Variants in TRIM62 observed in about 807,000 individuals in gnomAD.
The protein encoded by TRIM62 is tripartite motif containing 62.
In TRIM62, 39 loss-of-function variants were observed where a neutral mutation model predicts 44.2. The observed-to-expected ratio is 0.88, with a 90% confidence interval of 0.68 to 1.15. TRIM62 has a LOEUF of 1.15. TRIM62 is among the 50% of genes most tolerant of loss of function. The pLI is 0.00. For missense variants in TRIM62, 544 were observed against 665.5 expected (o/e 0.82, Z 2.01); for synonymous variants, 278 against 292.3 (o/e 0.95, Z 0.50).
Position 33,181,332 on chromosome 1 carries a change from C to A in TRIM62, c.101G>T (p.Cys34Phe), listed in dbSNP as rs1408641775. ...LGCEHYFCRR[C>F]ITEHWVRQEA... ...CTGCCGCACCCAGTGCTCCGTGATG[C>A]AGCGGCGGCAGAAGTAATGCTCGCA... The change falls in exon 1 of 5, where the codon TGC becomes TTC. Residue 34 changes from cysteine to phenylalanine, a missense_variant. Physicochemically the swap from Cys to Phe is radical, Grantham distance 205 (BLOSUM62 -2). Coordinates refer to ENST00000291416, the MANE Select transcript of TRIM62 (RefSeq NM_018207.3). This position sits in a 1 kb window ranked among gnomAD's most constrained non-coding sequence, Gnocchi z 6.5. The A allele has an allele frequency of 6.3e-7, 1 of 1,577,624 alleles. No individual in the cohort carries two copies. Among genetic ancestry groups the A allele is most frequent in the Admixed American group, 1.8e-5 (1 of 54,448 alleles).
intron 4 of TRIM62, among the ~76,000 whole-genome samples, chr1:33,158,008 G>A (rs1209457398): frequency 2.0e-5 from 3 of 152,140 alleles, no homozygotes; most frequent in Non-Finnish European, 2.9e-5. Context: ...ACCCACCTCA[G>A]CCTCCCAAAG....
chr1:33,153,282 CCAGG>C (rs1645128733), intron 4 of TRIM62, among the ~76,000 whole-genome samples: 1 of 152,208 alleles, frequency 6.6e-6, no homozygotes, highest in South Asian at 2.1e-4. Flanking sequence ...GCCCAGCCAA[CCAGG>C]CTGCTGCTCT....
In TRIM62 at chr1:33,177,123, G is replaced by A. The variant is rs185835546; in HGVS notation, c.408+3902C>T. On this transcript the variant is annotated intron_variant, in intron 1 of 4. Coordinates refer to ENST00000291416, the MANE Select transcript of TRIM62 (RefSeq NM_018207.3). This position sits in a 1 kb window ranked among gnomAD's most constrained non-coding sequence, Gnocchi z 4.1. The stretch of plus-strand genomic sequence containing the variant: ...CACATGCACACACACATGCATGTAC[G>A]CATGCACACACACGCACATGCACAC... 1.5e-4 allele frequency among the ~76,000 whole-genome samples: 23 copies of A among 151,264 alleles called. No individual in the cohort carries two copies. Among genetic ancestry groups the A allele is most frequent in the East Asian group, 6.0e-4 (3 of 4,990 alleles).
At chr1:33,149,264 T>G (rs1020021319) in intron 4 of TRIM62, among the ~76,000 whole-genome samples, 2 of 152,242 alleles carry the variant, frequency 1.3e-5, no homozygotes, top group Non-Finnish European at 2.9e-5. Context: ...GTGATTCTCA[T>G]GCCTCAGCCT....
chr1:33,165,528 G>C lies in TRIM62; in HGVS notation c.447C>G (p.Ser149Arg). Residue 149 changes from serine to arginine, a missense_variant, in exon 2 of 5, where the codon AGC (serine) becomes AGG (arginine). Physicochemically the swap from Ser to Arg is moderately radical, Grantham distance 110. Transcript: ENST00000291416. This position sits in a 1 kb window ranked among gnomAD's most constrained non-coding sequence, Gnocchi z 4.0. ...GCAGCGCTTCGGTGTGTTCCCGCTC[G>C]CTGTCTTGAAGGGCCTGAAGTTGGT... ...LKDQLQALQD[S>R]EREHTEALQL... 1 of 1,610,644 alleles carries C rather than the reference G, an allele frequency of 6.2e-7. No homozygotes were observed. Among genetic ancestry groups the C allele is most frequent in the Non-Finnish European group, 8.5e-7 (1 of 1,178,472 alleles).
chr1:33,172,218 A>G (rs916380434), intron 1 of TRIM62, among the ~76,000 whole-genome samples: 2 of 152,208 alleles, frequency 1.3e-5, no homozygotes, highest in African/African-American at 4.8e-5. Context: ...CATAGTAACT[A>G]TATGTAAAGT....
Position 33,147,205 on chromosome 1 carries a change from G to A in TRIM62, c.1400C>T (p.Pro467Leu), listed in dbSNP as rs1171094289. ...QSHANGKNVQ[P>L]LRINTVRI ...GATGCGGACGGTGTTGATCCGCAGC[G>A]GCTGAACGTTCTTGCCATTGGCGTG... The change falls in exon 5 of 5, where the codon CCG becomes CTG. Residue 467 changes from proline (P) to leucine (L), a missense_variant. Transcript: ENST00000291416. The surrounding 1 kb of genome is among the most constrained non-coding windows in gnomAD (Gnocchi z 8.1). The A allele has an allele frequency of 6.8e-6, 11 of 1,613,716 alleles. No homozygotes were observed. The highest frequency in any genetic ancestry group is 1.6e-4 in the Middle Eastern group (1 of 6,084).
intron 4 of TRIM62, among the ~76,000 whole-genome samples, chr1:33,157,863 T>A (rs1645202486): frequency 6.6e-6 from 1 of 152,022 alleles, no homozygotes; most frequent in African/African-American, 2.4e-5. Context: ...TTCAAGCAAT[T>A]CTCCTGCCTC....
intron 1 of TRIM62, chr1:33,176,418 G>A (rs1013404450): frequency 1.1e-4 from 80 of 697,582 alleles, no homozygotes; most frequent in African/African-American, 1.6e-4. Flanking sequence ...CAGGGCTTGC[G>A]TCCAAGGCTG....
chr1:33,146,073 A>T lies in TRIM62; in HGVS notation c.*1104T>A. 1 of 352,710 alleles carries T rather than the reference A, an allele frequency of 2.8e-6. No homozygotes were observed. The highest frequency in any genetic ancestry group is 5.7e-6 in the Non-Finnish European group (1 of 176,592). The allele number at this position is 352,710 out of a possible 1,614,324, so 21.8% of individuals were successfully genotyped here. The stretch of plus-strand genomic sequence containing the variant: ...TTTCTGGCATAGTGGCTTCCTGCAG[A>T]TGGGGGCAGCTTTCCTGGTCACAAC... On this transcript the variant is annotated 3_prime_UTR_variant, in exon 5 of 5. Coordinates refer to ENST00000291416, the MANE Select transcript of TRIM62 (RefSeq NM_018207.3).
chr1:33,177,308 C>G lies in TRIM62; in HGVS notation c.408+3717G>C, dbSNP rs963016607. On this transcript the variant is annotated intron_variant, in intron 1 of 4. Transcript: ENST00000291416. The surrounding 1 kb of genome is among the most constrained non-coding windows in gnomAD (Gnocchi z 4.1). ...ACATTTAAAAATAGTTTTGGGGTGC[C>G]TACTATGCCAGGCACAGTACTAGGC... 1.3e-5 allele frequency among the ~76,000 whole-genome samples: 2 copies of G among 152,140 alleles called. No individual in the cohort carries two copies. The highest frequency in any genetic ancestry group is 2.9e-5 in the Non-Finnish European group (2 of 68,018).
intron 2 of TRIM62, among the ~76,000 whole-genome samples, chr1:33,160,520 T>G (rs990966377): frequency 3.9e-5 from 6 of 152,136 alleles, no homozygotes; most frequent in African/African-American, 1.4e-4. Context: ...TTCTCCAGCC[T>G]CAGCCTCCCT....
At chr1:33,154,127 A>G (rs1010668382) in intron 4 of TRIM62, among the ~76,000 whole-genome samples, 8 of 151,830 alleles carry the variant, frequency 5.3e-5, no homozygotes, top group African/African-American at 1.9e-4. Context: ...ATGAGGGAGA[A>G]TACAAAACAT....
chr1:33,159,732 G>A lies in TRIM62; in HGVS notation c.717C>T (p.Thr239=), dbSNP rs756253876. The change falls in exon 3 of 5, where the codon ACC becomes ACT. Residue 239 remains threonine (T), a synonymous_variant. Coordinates refer to ENST00000291416, the MANE Select transcript of TRIM62 (RefSeq NM_018207.3). The surrounding 1 kb of genome is among the most constrained non-coding windows in gnomAD (Gnocchi z 4.2). ...AQILQERLAE[T]DRHTFLAGVA... Reference sequence around the variant, plus strand: ...CCCCAGCCAGGAAGGTGTGCCGGTCGGTTTCAGCCAGCCGCTCCTGCAGGA... The same window carrying A: ...CCCCAGCCAGGAAGGTGTGCCGGTCAGTTTCAGCCAGCCGCTCCTGCAGGA... 5.6e-6 allele frequency: 9 copies of A among 1,612,088 alleles called. No individual in the cohort carries two copies. In the East Asian group the frequency reaches 8.9e-5, roughly 16 times the overall value.
rs1279228934 is a variant in TRIM62, at chr1:33,147,259, A to G, written c.1346T>C (p.Leu449Pro). Residue 449 changes from leucine (L) to proline (P), a missense_variant, in exon 5 of 5, where the codon CTC becomes CCC. Coordinates refer to ENST00000291416, the MANE Select transcript of TRIM62 (RefSeq NM_018207.3). The surrounding 1 kb of genome is among the most constrained non-coding windows in gnomAD (Gnocchi z 8.1). ...YTFREKFPGKLCSYFSPGQSH... is the reference protein window; with the variant it reads ...YTFREKFPGKPCSYFSPGQSH... ...CTGGCCAGGGCTGAAGTAAGAGCAGAGCTTGCCAGGGAACTTCTCGCGGAA... is the reference window on the plus strand; with the variant it reads ...CTGGCCAGGGCTGAAGTAAGAGCAGGGCTTGCCAGGGAACTTCTCGCGGAA... 6.2e-7 allele frequency: 1 copy of G among 1,614,080 alleles called. No homozygotes were observed. The highest frequency in any genetic ancestry group is 1.1e-5 in the South Asian group (1 of 91,082).
rs574076557 is a variant in TRIM62 at position 33,165,863 on chromosome 1, C to T, written c.409-297G>A. 8.2e-5 allele frequency: 20 copies of T among 244,298 alleles called. No individual in the cohort carries two copies. In the East Asian group the frequency reaches 1.5e-3, roughly 18 times the overall value. The allele number at this position is 244,298 out of a possible 1,614,324, so 15.1% of individuals were successfully genotyped here. Reference sequence around the variant, plus strand: ...ACACTCTCTGGCTCCCCACACTTGGCCCTGGATCCCCGCTTAGAATTAAGG... The same window carrying T: ...ACACTCTCTGGCTCCCCACACTTGGTCCTGGATCCCCGCTTAGAATTAAGG... On this transcript the variant is annotated intron_variant, in intron 1 of 4. Transcript: ENST00000291416. The surrounding 1 kb of genome is among the most constrained non-coding windows in gnomAD (Gnocchi z 4.0).
chr1:33,147,125 G>A lies in TRIM62; in HGVS notation c.*52C>T. ...CCAGGTCTTCTATCTCCTGGGCAGG[G>A]CTCTTGCAGGTGGCAGTGGTCCCAG... On this transcript the variant is annotated 3_prime_UTR_variant, in exon 5 of 5. Transcript: ENST00000291416. This position sits in a 1 kb window ranked among gnomAD's most constrained non-coding sequence, Gnocchi z 8.1. The A allele has an allele frequency of 1.3e-6, 2 of 1,579,512 alleles. No homozygotes were observed. The highest frequency in any genetic ancestry group is 1.7e-4 in the Middle Eastern group (1 of 5,918).
intron 1 of TRIM62, among the ~76,000 whole-genome samples, chr1:33,180,367 A>G (rs952328949): frequency 1.3e-5 from 2 of 152,116 alleles, no homozygotes; most frequent in Admixed American, 1.3e-4. Context: ...GTTGTAGAGT[A>G]TCCGGACCTG....
chr1:33,165,502 T>C lies in TRIM62; in HGVS notation c.473A>G (p.Gln158Arg), dbSNP rs528191637. The change falls in exon 2 of 5, where the codon CAG becomes CGG. Residue 158 changes from glutamine (Q) to arginine (R), a missense_variant. Coordinates refer to ENST00000291416, the MANE Select transcript of TRIM62 (RefSeq NM_018207.3). The surrounding 1 kb of genome is among the most constrained non-coding windows in gnomAD (Gnocchi z 4.0). ...CTCCGCCAGTTGTCGCTTGAGCAGC[T>C]GCAGCGCTTCGGTGTGTTCCCGCTC... is the stretch of plus-strand genomic sequence containing the variant. The part of the protein sequence containing the change: ...DSEREHTEAL[Q>R]LLKRQLAETK... 8 of 1,609,454 alleles carry C rather than the reference T, an allele frequency of 5.0e-6. No homozygotes were observed. In the South Asian group the frequency reaches 8.9e-5, roughly 18 times the overall value.
Sources: allele counts gnomAD v4.1 joint callset (sites outside exome capture counted in the v4.1 genomes callset), GRCh38; gene constraint gnomAD v4.1.1; non-coding constraint Gnocchi (gnomAD v3.1); transcripts MANE v1.5; gene names NCBI Gene and HGNC (gene_info 2026-07-23, HGNC 2026-07-21).